The following VPS13B variants were observed in gnomAD, a reference collection of about 807,000 sequenced individuals.
The protein encoded by VPS13B is vacuolar protein sorting 13 homolog B, also known as intermembrane lipid transfer protein VPS13B.
A neutral mutation model predicts 426.4 loss-of-function variants in VPS13B; 285 were observed. The ratio of observed to expected loss-of-function variants is 0.67; its 90% CI spans 0.61 to 0.74. The LOEUF is 0.74. Ranked by LOEUF, VPS13B falls within the 30% of genes least tolerant of loss-of-function variation. VPS13B has a pLI of 0.00. For synonymous variants in VPS13B, 1,676 were observed against 1,676.4 expected, an observed-to-expected ratio of 1.00 and a Z score of 0.01; for missense variants, 4,537 against 4,782.6, an observed-to-expected ratio of 0.95 and a Z score of 1.51.
At chr8:99,016,586 C>CTTTTT (rs754060289) in intron 2 of VPS13B, among the ~76,000 whole-genome samples, 80 of 60,734 alleles carry the variant, frequency 1.3e-3, no homozygotes, top group Middle Eastern at 0.019. Flanking sequence ...TATAGGAATT[C>CTTTTT]TTTTTTTTTT....
chr8:99,399,499 G>A (rs1180312581), intron 21 of VPS13B, among the ~76,000 whole-genome samples: 1 of 151,794 alleles, frequency 6.6e-6, no homozygotes, highest in African/African-American at 2.4e-5. Flanking sequence ...CCTTAACTCT[G>A]TTTTTTTAAT....
Position 99,821,390 on chromosome 8 carries a change from A to G in VPS13B, c.9091A>G (p.Lys3031Glu). 6.2e-7 allele frequency: 1 copy of G among 1,613,868 alleles called. No individual in the cohort carries two copies. The highest frequency in any genetic ancestry group is 8.5e-7 in the Non-Finnish European group (1 of 1,179,844). ...LVHNLTSPKW[K>E]DGGNGEVVTL... Reference sequence around the variant, plus strand: ...CCATAACCTGACATCTCCAAAGTGGAAAGATGGAGGTAATGGTGAAGTTGT... The same window carrying G: ...CCATAACCTGACATCTCCAAAGTGGGAAGATGGAGGTAATGGTGAAGTTGT... Residue 3031 changes from lysine to glutamate, a missense_variant, in exon 50 of 62, where the codon AAA (lysine) becomes GAA (glutamate). Physicochemically the swap from Lys to Glu is moderately conservative, Grantham distance 56. Transcript: ENST00000357162.
At chr8:99,626,528 A>G (rs1828619482) in intron 33 of VPS13B, among the ~76,000 whole-genome samples, 1 of 152,206 alleles carries the variant, frequency 6.6e-6, no homozygotes, top group Non-Finnish European at 1.5e-5. Flanking sequence ...AATTGATTGT[A>G]GTGATGGTTG....
At chr8:99,757,924 A>G (rs912381077) in intron 39 of VPS13B, among the ~76,000 whole-genome samples, 1 of 152,224 alleles carries the variant, frequency 6.6e-6, no homozygotes, top group African/African-American at 2.4e-5. Flanking sequence ...CATGTGTTAC[A>G]TGTGGAATGT....
At chr8:99,492,803 C>A (rs1450322803) in intron 25 of VPS13B, among the ~76,000 whole-genome samples, 4 of 152,086 alleles carry the variant, frequency 2.6e-5, no homozygotes, top group African/African-American at 9.7e-5. Flanking sequence ...AAGGGAAATC[C>A]CCCAACCCCT....
intron 19 of VPS13B, among the ~76,000 whole-genome samples, chr8:99,350,175 ATTTG>A (rs1461384821): frequency 2.0e-5 from 3 of 152,092 alleles, no homozygotes; most frequent in African/African-American, 7.2e-5. Flanking sequence ...GGGAGAAATA[ATTTG>A]GTGAGTAGGA....
intron 19 of VPS13B, among the ~76,000 whole-genome samples, chr8:99,290,775 TAA>T (rs924824615): frequency 4.7e-4 from 71 of 152,198 alleles, no homozygotes; most frequent in African/African-American, 1.7e-3. Flanking sequence ...ATTCCTGGAA[TAA>T]GTCATGTCTA....
At chr8:99,354,709 G>A (rs1434132046) in intron 19 of VPS13B, among the ~76,000 whole-genome samples, 1 of 152,026 alleles carries the variant, frequency 6.6e-6, no homozygotes, top group East Asian at 1.9e-4. Flanking sequence ...GTGAGGCCAA[G>A]GCTCAATAGT....
At chr8:99,701,584 T>C (rs1414539535) in intron 36 of VPS13B, among the ~76,000 whole-genome samples, 1 of 152,156 alleles carries the variant, frequency 6.6e-6, no homozygotes, top group Non-Finnish European at 1.5e-5. Flanking sequence ...TAAGAAAAAC[T>C]ATATACCCCT....
chr8:99,101,352 T>A (rs1395063233), intron 4 of VPS13B, among the ~76,000 whole-genome samples: 1 of 152,142 alleles, frequency 6.6e-6, no homozygotes, highest in Non-Finnish European at 1.5e-5. Context: ...CAGGATGGTC[T>A]CCATCTTTTG....
rs1432688246 is a variant in VPS13B at position 99,469,366 on chromosome 8, G to C, written c.3666+1732G>C. 3.3e-5 allele frequency among the ~76,000 whole-genome samples: 5 copies of C among 151,804 alleles called. No individual in the cohort carries two copies. The East Asian group carries it at 5.8e-4, about 18-fold the overall frequency. On this transcript the variant is annotated intron_variant, in intron 24 of 61. Transcript: ENST00000357162. ...TTCATTTTTATTTTTTTGTAGAACAGGGTCTCGCTTTGTTGTCTGGGATGA... is the reference window on the plus strand; with the variant it reads ...TTCATTTTTATTTTTTTGTAGAACACGGTCTCGCTTTGTTGTCTGGGATGA...
Position 99,612,131 on chromosome 8 carries a change from G to A in VPS13B, c.5221-29680G>A, listed in dbSNP as rs574537802. On this transcript the variant is annotated intron_variant, in intron 33 of 61. Coordinates refer to ENST00000357162, the MANE Select transcript of VPS13B (RefSeq NM_152564.5). ...AACCCAGATTTTATGTCTAAAGTAC[G>A]GCTGTGTTTCTGCCATTAGACTAGC... is the stretch of plus-strand genomic sequence containing the variant. Among the ~76,000 whole-genome samples, 152 of 152,146 alleles carry A rather than the reference G, an allele frequency of 1.0e-3. 1 individual carries two copies. The highest frequency in any genetic ancestry group is 1.8e-3 in the Non-Finnish European group (125 of 67,986).
intron 23 of VPS13B, among the ~76,000 whole-genome samples, chr8:99,460,922 C>T (rs1818796234): frequency 6.6e-6 from 1 of 152,202 alleles, no homozygotes; most frequent in African/African-American, 2.4e-5. Context: ...AAGAACATCA[C>T]AGATTCTCAC....
At chr8:99,172,553 C>G (rs555686173) in intron 16 of VPS13B, among the ~76,000 whole-genome samples, 2 of 152,086 alleles carry the variant, frequency 1.3e-5, no homozygotes, top group African/African-American at 2.4e-5. Context: ...ATTTGAACAT[C>G]TTTGATTGTT....
chr8:99,744,835 G>C (rs745697724), intron 39 of VPS13B, among the ~76,000 whole-genome samples: 2 of 151,958 alleles, frequency 1.3e-5, no homozygotes, highest in African/African-American at 2.4e-5. Flanking sequence ...TGGGGGGAAG[G>C]GGGAGGGATA....
At chr8:99,584,753 T>C (rs1010847345) in intron 33 of VPS13B, among the ~76,000 whole-genome samples, 18 of 152,150 alleles carry the variant, frequency 1.2e-4, no homozygotes, top group Admixed American at 3.9e-4. Flanking sequence ...GTGGAATACA[T>C]AGAAAAGAGT....
chr8:99,213,642 T>C (rs1815229436), intron 17 of VPS13B, among the ~76,000 whole-genome samples: 1 of 152,182 alleles, frequency 6.6e-6, no homozygotes, highest in Non-Finnish European at 1.5e-5. Context: ...ACTAATCCTG[T>C]CTATGAACCT....
rs1843812676 is a variant in VPS13B, at chr8:99,055,751, A to G, written c.291+17185A>G. 1.3e-5 allele frequency among the ~76,000 whole-genome samples: 2 copies of G among 151,890 alleles called. 1 individual carries two copies. Among genetic ancestry groups the G allele is most frequent in the Admixed American group, 1.3e-4 (2 of 15,238 alleles). ...GATCTTTTATTTATTTATTTTTGAG[A>G]TGAGGTCTTACTTTGTCACCCAAGC... On this transcript the variant is annotated intron_variant, in intron 3 of 61. Coordinates refer to ENST00000357162, the MANE Select transcript of VPS13B (RefSeq NM_152564.5).
intron 23 of VPS13B, among the ~76,000 whole-genome samples, chr8:99,444,845 T>C (rs1817835560): frequency 6.6e-6 from 1 of 152,058 alleles, no homozygotes; most frequent in South Asian, 2.1e-4. Context: ...TTAATTTTTG[T>C]AGAGGTGGGG....
Sources: allele counts gnomAD v4.1 joint callset (sites outside exome capture counted in the v4.1 genomes callset), GRCh38; gene constraint gnomAD v4.1.1; transcripts MANE v1.5; gene names NCBI Gene and HGNC (gene_info 2026-07-23, HGNC 2026-07-21).